The following LHX4 variants were observed in gnomAD, a reference collection of about 807,000 sequenced individuals.
LHX4 encodes the protein LIM/homeobox protein Lhx4.
Under a neutral mutation model 39.2 loss-of-function variants are expected in LHX4, and 16 were observed. The ratio of observed to expected loss-of-function variants is 0.41; its 90% CI spans 0.28 to 0.62. LHX4 has a LOEUF of 0.62. Among genes scored for constraint, LHX4 ranks in the 20% least tolerant of loss-of-function variants. The probability of loss-of-function intolerance (pLI) is 0.33; values close to 1 mark genes in which losing one functional copy is unlikely to be tolerated. For missense variants in LHX4, 439 were observed against 511.9 expected (o/e 0.86, Z 1.37); for synonymous variants, 206 against 198.1 (o/e 1.04, Z -0.33).
At chr1:180,264,365 TACACACACACATAAC>T (rs1222070023) in intron 2 of LHX4, among the ~76,000 whole-genome samples, 5 of 109,618 alleles carry the variant, frequency 4.6e-5, no homozygotes, top group African/African-American at 7.3e-5. Flanking sequence ...TTCTCTGTTA[TACACACACACATAAC>T]ACACACACAC....
chr1:180,264,291 G>A (rs1648222125), intron 2 of LHX4, among the ~76,000 whole-genome samples: 1 of 152,112 alleles, frequency 6.6e-6, no homozygotes. Flanking sequence ...AATTGGCTGG[G>A]ATTGGATATT....
intron 2 of LHX4, among the ~76,000 whole-genome samples, chr1:180,261,849 G>C (rs562037399): frequency 1.1e-3 from 168 of 152,302 alleles, no homozygotes; most frequent in African/African-American, 3.8e-3. Context: ...ATGCATTTTA[G>C]CTTTGAGCTT....
chr1:180,244,127 G>C (rs968501294), intron 1 of LHX4, among the ~76,000 whole-genome samples: 5 of 152,188 alleles, frequency 3.3e-5, no homozygotes, highest in African/African-American at 1.2e-4. Flanking sequence ...ACACACTCAA[G>C]CCCTGACGTG....
intron 2 of LHX4, among the ~76,000 whole-genome samples, chr1:180,264,857 C>A (rs1648250914): frequency 6.6e-6 from 1 of 152,214 alleles, no homozygotes. Context: ...GCCCCTCACA[C>A]CCCAACACCC....
rs1306334498 is a variant in LHX4, at chr1:180,235,462, G to A, written c.76+4857G>A. 3.9e-5 allele frequency among the ~76,000 whole-genome samples: 6 copies of A among 152,352 alleles called. No homozygotes were observed. The East Asian group carries it at 9.7e-4, about 25-fold the overall frequency. ...CCATTTCGTTCCAAGCATTTGGAAT[G>A]ACAAAATTAAACCCCAACCCTGGCG... is the stretch of plus-strand genomic sequence containing the variant. On this transcript the variant is annotated intron_variant, in intron 1 of 5. Transcript: ENST00000263726.
In LHX4 at chr1:180,266,619, C is replaced by A. The variant is rs1455852654; in HGVS notation, c.451+25C>A. 1.2e-6 allele frequency: 2 copies of A among 1,609,142 alleles called. No homozygotes were observed. Among genetic ancestry groups the A allele is most frequent in the South Asian group, 1.1e-5 (1 of 90,576 alleles). ...GGTAAGCAGCATGGCCCCGCATGGT[C>A]CCCTCTCCAGGCCTTTGTTTGGGCC... On this transcript the variant is annotated intron_variant, in intron 3 of 5. Coordinates refer to ENST00000263726, the MANE Select transcript of LHX4 (RefSeq NM_033343.4). This position sits in a 1 kb window ranked among gnomAD's most constrained non-coding sequence, Gnocchi z 5.7.
chr1:180,261,259 C>T (rs1378111647), intron 2 of LHX4, among the ~76,000 whole-genome samples: 1 of 151,482 alleles, frequency 6.6e-6, no homozygotes, highest in Non-Finnish European at 1.5e-5. Flanking sequence ...GAGTGGGGCG[C>T]TGCCCTGAAG....
chr1:180,260,614 A>T (rs902550482), intron 2 of LHX4, among the ~76,000 whole-genome samples: 1 of 151,828 alleles, frequency 6.6e-6, no homozygotes, highest in Non-Finnish European at 1.5e-5. Context: ...TTCTCTGCCC[A>T]CACCTGGGCC....
intron 1 of LHX4, among the ~76,000 whole-genome samples, chr1:180,239,257 C>T (rs188579489): frequency 6.6e-6 from 1 of 152,332 alleles, no homozygotes; most frequent in East Asian, 1.9e-4. Flanking sequence ...CAGTATTTCC[C>T]AAGCCTGCCT....
upstream of LHX4, among the ~76,000 whole-genome samples, chr1:180,229,103 G>A (rs559080304): frequency 6.9e-4 from 105 of 152,322 alleles, no homozygotes; most frequent in Middle Eastern, 6.8e-3. Flanking sequence ...TCGCGTTGAG[G>A]AGAATTTGTT....
intron 2 of LHX4, among the ~76,000 whole-genome samples, chr1:180,255,387 C>CGCACACACGCGTGCACACACAT (rs1282759939): frequency 6.6e-6 from 1 of 152,142 alleles, no homozygotes; most frequent in African/African-American, 2.4e-5. Flanking sequence ...CATACACACA[C>CGCACACACGCGTGCACACACAT]GCACACACGC....
In LHX4 at chr1:180,266,181, G is replaced by A. The variant is rs1648305059; in HGVS notation, c.249-211G>A. Among the ~76,000 whole-genome samples the A allele has an allele frequency of 6.6e-6, 1 of 152,196 alleles. No homozygotes were observed. The highest frequency in any genetic ancestry group is 2.4e-5 in the African/African-American group (1 of 41,450). The stretch of plus-strand genomic sequence containing the variant: ...CTGAGGGAGACTCTAGTTCTCATCA[G>A]TCCCTTCTTTGGTGGTTGAAGAGTC... On this transcript the variant is annotated intron_variant, in intron 2 of 5. Coordinates refer to ENST00000263726, the MANE Select transcript of LHX4 (RefSeq NM_033343.4). The surrounding 1 kb of genome is among the most constrained non-coding windows in gnomAD (Gnocchi z 5.7).
chr1:180,256,274 T>C (rs2149259486), intron 2 of LHX4, among the ~76,000 whole-genome samples: 1 of 152,332 alleles, frequency 6.6e-6, no homozygotes, highest in East Asian at 1.9e-4. Flanking sequence ...GGCTGGGCAT[T>C]CAAGGGCCCA....
At chr1:180,257,736 CA>C (rs1318003945) in intron 2 of LHX4, among the ~76,000 whole-genome samples, 1 of 152,202 alleles carries the variant, frequency 6.6e-6, no homozygotes, top group Non-Finnish European at 1.5e-5. Context: ...AGCATAAAAT[CA>C]ACTTGTGCAG....
intron 1 of LHX4, among the ~76,000 whole-genome samples, chr1:180,241,534 C>T (rs1164184702): frequency 6.6e-6 from 1 of 152,024 alleles, no homozygotes; most frequent in African/African-American, 2.4e-5. Flanking sequence ...CATGCATTAC[C>T]TGATGTGGCC....
chr1:180,260,811 G>C (rs924193601), intron 2 of LHX4, among the ~76,000 whole-genome samples: 1 of 151,852 alleles, frequency 6.6e-6, no homozygotes, highest in Non-Finnish European at 1.5e-5. Flanking sequence ...CACCAAGGCC[G>C]GGTTTGCTGC....
intron 2 of LHX4, among the ~76,000 whole-genome samples, chr1:180,257,432 T>G (rs980449672): frequency 7.9e-5 from 12 of 152,218 alleles, no homozygotes; most frequent in Non-Finnish European, 1.6e-4. Context: ...ATGGGGGCTG[T>G]GTCCCCAGCC....
Position 180,276,841 on chromosome 1 carries a change from G to C in LHX4, c.*2262G>C, listed in dbSNP as rs966540360. ...GAGAGCAGGCTTTTTAAAAGGGGGG[G>C]GGGCATCCTCCTCTGTGTAGCACTG... On this transcript the variant is annotated 3_prime_UTR_variant, in exon 6 of 6. Coordinates refer to ENST00000263726, the MANE Select transcript of LHX4 (RefSeq NM_033343.4). 2.7e-5 allele frequency: 4 copies of C among 149,664 alleles called. No homozygotes were observed. Among genetic ancestry groups the C allele is most frequent in the African/African-American group, 9.9e-5 (4 of 40,556 alleles). 9.3% of individuals were successfully genotyped at this position (149,664 alleles called of 1,614,324 possible).
chr1:180,235,810 C>G (rs1664303346), intron 1 of LHX4, among the ~76,000 whole-genome samples: 1 of 152,316 alleles, frequency 6.6e-6, no homozygotes, highest in Admixed American at 6.5e-5. Flanking sequence ...ACTCACCGCA[C>G]GAGAGGCCGC....
Sources: allele counts gnomAD v4.1 joint callset (sites outside exome capture counted in the v4.1 genomes callset), GRCh38; gene constraint gnomAD v4.1.1; non-coding constraint Gnocchi (gnomAD v3.1); transcripts MANE v1.5; gene names NCBI Gene and HGNC (gene_info 2026-07-23, HGNC 2026-07-21).